VDAC1: variants seen among roughly 807,000 people sequenced by gnomAD.
The protein encoded by VDAC1 is non-selective voltage-gated ion channel VDAC1.
A neutral mutation model predicts 34.7 loss-of-function variants in VDAC1; 10 were observed. That is an observed-to-expected ratio of 0.29 (90% confidence interval 0.18 to 0.49). The LOEUF is 0.49. Among genes scored for constraint, VDAC1 ranks in the 20% least tolerant of loss-of-function variants. VDAC1 has a pLI of 0.99. For synonymous variants in VDAC1, 130 were observed against 136.0 expected (o/e 0.96, Z 0.30); for missense variants, 230 against 347.9 (o/e 0.66, Z 2.69).
At chr5:134,054,458 C>CTTTTTTTTTTTTTTTTTTTTT in the VDAC1 span, among the ~76,000 whole-genome samples, 10 of 123,546 alleles carry the variant, frequency 8.1e-5, 1 homozygote, top group Non-Finnish European at 9.6e-5. Flanking sequence ...TCCTTCCTTC[C>CTTTTTTTTTTTTTTTTTTTTT]TTTTTTTTTT....
the VDAC1 span, among the ~76,000 whole-genome samples, chr5:134,026,851 G>A: frequency 5.6e-3 from 859 of 152,330 alleles, 5 homozygotes; most frequent in African/African-American, 0.018. Flanking sequence ...TGTGAAACTG[G>A]CATCAGATTC....
the VDAC1 span, among the ~76,000 whole-genome samples, chr5:134,096,632 G>A: frequency 1.3e-5 from 2 of 150,750 alleles, no homozygotes; most frequent in African/African-American, 4.9e-5. Flanking sequence ...TTGAGACAGG[G>A]TCTCACTCTG....
At chr5:133,987,418 C>G (rs544824182) in intron 5 of VDAC1, among the ~76,000 whole-genome samples, 2 of 152,140 alleles carry the variant, frequency 1.3e-5, no homozygotes, top group South Asian at 4.2e-4. Context: ...TGGCTCACAC[C>G]TGTAATCCCA....
chr5:133,997,967 T>TG (rs1753391265), intron 1 of VDAC1, among the ~76,000 whole-genome samples: 1 of 151,058 alleles, frequency 6.6e-6, no homozygotes, highest in Admixed American at 6.6e-5. Context: ...CTCGGGAGGC[T>TG]GGGGCAGAAG....
the VDAC1 span, among the ~76,000 whole-genome samples, chr5:134,055,037 CTG>C: frequency 6.6e-6 from 1 of 152,232 alleles, no homozygotes; most frequent in Non-Finnish European, 1.5e-5. Context: ...AGTCCCCTCT[CTG>C]TGCACATAAA....
chr5:134,074,477 G>A, the VDAC1 span, among the ~76,000 whole-genome samples: 5,441 of 152,116 alleles, frequency 0.036, 120 homozygotes, highest in East Asian at 0.091. Flanking sequence ...GGGCCCCAGG[G>A]AACTGACCCT....
chr5:134,075,977 G>T, the VDAC1 span, among the ~76,000 whole-genome samples: 1 of 150,938 alleles, frequency 6.6e-6, no homozygotes, highest in Non-Finnish European at 1.5e-5. Context: ...CCCTCTCATG[G>T]TTTTTTTGTT....
chr5:134,085,613 C>A, the VDAC1 span, among the ~76,000 whole-genome samples: 7 of 149,844 alleles, frequency 4.7e-5, no homozygotes, highest in African/African-American at 1.7e-4. Context: ...CAGGGCCAGG[C>A]GCAGTGGCTC....
intron 2 of VDAC1, among the ~76,000 whole-genome samples, 177 bp downstream of exon 2, chr5:133,992,769 A>G (rs961537125): frequency 4.6e-5 from 7 of 152,270 alleles, no homozygotes; most frequent in African/African-American, 1.7e-4. Context: ...AGCCTGTCCA[A>G]CTGGGTGCAC....
At chr5:134,051,629 A>T in the VDAC1 span, among the ~76,000 whole-genome samples, 1 of 149,694 alleles carries the variant, frequency 6.7e-6, no homozygotes, top group Non-Finnish European at 1.5e-5. Context: ...ACCAATCAAC[A>T]GGGTTAAGGA....
At chr5:134,071,578 C>A in the VDAC1 span, among the ~76,000 whole-genome samples, 2 of 152,238 alleles carry the variant, frequency 1.3e-5, no homozygotes, top group Admixed American at 1.3e-4. This position sits in a 1 kb window ranked among gnomAD's most constrained non-coding sequence, Gnocchi z 4.1. Context: ...CCAAAAGTAA[C>A]ACCTTAAGCT....
At chr5:134,013,949 A>AC in the VDAC1 span, among the ~76,000 whole-genome samples, 2 of 144,454 alleles carry the variant, frequency 1.4e-5, no homozygotes, top group African/African-American at 5.2e-5. Flanking sequence ...CTCCCATCCC[A>AC]CCCCCCGAAA....
At chr5:134,033,788 C>G in the VDAC1 span, among the ~76,000 whole-genome samples, 9 of 151,724 alleles carry the variant, frequency 5.9e-5, no homozygotes, top group South Asian at 4.2e-4. Flanking sequence ...GTCAGCAGAT[C>G]GAGACCATCC....
chr5:134,013,719 G>A, the VDAC1 span, among the ~76,000 whole-genome samples: 1 of 152,196 alleles, frequency 6.6e-6, no homozygotes, highest in Non-Finnish European at 1.5e-5. Context: ...AAGGCAGGCA[G>A]ATCACCTGAG....
chr5:134,057,200 C>G, the VDAC1 span, among the ~76,000 whole-genome samples: 1 of 152,094 alleles, frequency 6.6e-6, no homozygotes, highest in African/African-American at 2.4e-5. Context: ...CAAGTGAAGG[C>G]TGGGCACGGT....
At chr5:134,097,346 A>T in the VDAC1 span, among the ~76,000 whole-genome samples, 3 of 152,366 alleles carry the variant, frequency 2.0e-5, no homozygotes, top group African/African-American at 7.2e-5. Flanking sequence ...ATTCAGGAAC[A>T]CAAAAGACCC....
the VDAC1 span, among the ~76,000 whole-genome samples, chr5:134,093,317 G>A: frequency 6.6e-6 from 1 of 152,126 alleles, no homozygotes; most frequent in Non-Finnish European, 1.5e-5. Context: ...GGTATGGTGA[G>A]GAAGGTGTGC....
the VDAC1 span, among the ~76,000 whole-genome samples, chr5:134,055,587 T>G: frequency 1.1e-5 from 1 of 94,084 alleles, no homozygotes; most frequent in East Asian, 3.5e-4. Flanking sequence ...GCCCCGCTAA[T>G]GTTTTTTTTT....
rs77529040 is a variant in VDAC1 at position 133,977,694 on chromosome 5, G to A, written c.552-1673C>T. ...TCAGATTGTTGTTTATACACACAGT[G>A]CATACTGGTGCCTGGTCAGAAGCAA... On this transcript the variant is annotated intron_variant, in intron 6 of 8. Transcript: ENST00000265333. 1.6e-3 allele frequency among the ~76,000 whole-genome samples: 248 copies of A among 152,300 alleles called. 2 individuals are homozygous for A. Among genetic ancestry groups the A allele is most frequent in the African/African-American group, 5.6e-3 (233 of 41,566 alleles).
Sources: allele counts gnomAD v4.1 joint callset (sites outside exome capture counted in the v4.1 genomes callset), GRCh38; gene constraint gnomAD v4.1.1; non-coding constraint Gnocchi (gnomAD v3.1); transcripts MANE v1.5; gene names NCBI Gene and HGNC (gene_info 2026-07-23, HGNC 2026-07-21).